ANO3: variants seen among roughly 807,000 people sequenced by gnomAD.
ANO3 encodes the protein anoctamin 3, also known as anoctamin-3.
In ANO3, 99 loss-of-function variants were observed where a neutral mutation model predicts 144.8. The observed-to-expected ratio is 0.68, with a 90% CI of 0.58 to 0.81. ANO3 has a LOEUF of 0.81. Ranked by LOEUF, ANO3 falls within the 30% of genes least tolerant of loss-of-function variation. The pLI, the probability that ANO3 is intolerant of heterozygous loss-of-function variation, is 0.00. For synonymous variants in ANO3, 414 were observed against 392.6 expected, an observed-to-expected ratio of 1.05 and a Z score of -0.64; for missense variants, 905 against 1,202.2, an observed-to-expected ratio of 0.75 and a Z score of 3.66.
chr11:26,542,167 T>C, intron 11 of ANO3, 99 bp downstream of exon 11: 1 of 1,365,970 alleles, frequency 7.3e-7, no homozygotes, highest in East Asian at 2.6e-5. Flanking sequence ...GAGGATGCAG[T>C]CTACAAAAAA....
At chr11:26,404,726 T>C (rs1004393669) in intron 1 of ANO3, among the ~76,000 whole-genome samples, 4 of 151,658 alleles carry the variant, frequency 2.6e-5, no homozygotes, top group Non-Finnish European at 5.9e-5. Flanking sequence ...TATACTTACA[T>C]AAACATTATT....
chr11:26,607,455 A>G (rs981739864), intron 17 of ANO3, among the ~76,000 whole-genome samples: 3 of 152,056 alleles, frequency 2.0e-5, no homozygotes, highest in African/African-American at 7.2e-5. Context: ...ATATACTCCA[A>G]TCAATTGTAG....
At chr11:26,194,953 C>A (rs1352045634) in intron 1 of ANO3, among the ~76,000 whole-genome samples, 1 of 152,210 alleles carries the variant, frequency 6.6e-6, no homozygotes, top group Non-Finnish European at 1.5e-5. Flanking sequence ...AGATATCTCT[C>A]ACCTCAAGCA....
At chr11:26,255,522 G>C (rs540173208) in intron 1 of ANO3, among the ~76,000 whole-genome samples, 14 of 152,190 alleles carry the variant, frequency 9.2e-5, no homozygotes, top group African/African-American at 2.4e-4. Context: ...TTTTCAGATA[G>C]TACTACCTTT....
chr11:26,245,738 T>C (rs1353880360), intron 1 of ANO3, among the ~76,000 whole-genome samples: 1 of 152,188 alleles, frequency 6.6e-6, no homozygotes, highest in Admixed American at 6.5e-5. Flanking sequence ...CATAGAGTGA[T>C]TACCCAATAT....
chr11:26,440,168 T>C (rs1343910077), intron 1 of ANO3, among the ~76,000 whole-genome samples: 1 of 152,128 alleles, frequency 6.6e-6, no homozygotes, highest in Non-Finnish European at 1.5e-5. Context: ...AGAAACTTTT[T>C]AGGGAGTGAT....
chr11:26,610,094 A>G (rs1026306762), intron 17 of ANO3, among the ~76,000 whole-genome samples: 7 of 151,830 alleles, frequency 4.6e-5, no homozygotes, highest in African/African-American at 1.7e-4. Context: ...TATTTTTAGT[A>G]GAGGCGGGGT....
chr11:26,591,968 G>A (rs1208680811), intron 14 of ANO3, among the ~76,000 whole-genome samples: 1 of 152,134 alleles, frequency 6.6e-6, no homozygotes, highest in Non-Finnish European at 1.5e-5. Flanking sequence ...ATCTAGGGAT[G>A]GGGAACTAGA....
intron 14 of ANO3, among the ~76,000 whole-genome samples, chr11:26,594,426 A>G (rs529802896): frequency 1.3e-3 from 194 of 152,320 alleles, no homozygotes; most frequent in Admixed American, 2.2e-3. Flanking sequence ...ATATCTCTCC[A>G]TGTCAGATCA....
In ANO3 at chr11:26,643,206, T is replaced by C. The variant is rs1565161871; in HGVS notation, c.2300T>C (p.Ile767Thr). 1 of 1,614,170 alleles carries C rather than the reference T, an allele frequency of 6.2e-7. No individual in the cohort carries two copies. Among genetic ancestry groups the C allele is most frequent in the Non-Finnish European group, 8.5e-7 (1 of 1,180,006 alleles). Residue 767 changes from isoleucine (I) to threonine (T), a missense_variant, in exon 23 of 27, where the codon ATC (isoleucine) becomes ACC (threonine). This residue lies in a region of ANO3 where 597 missense variants were observed against 865.1 expected (regional missense o/e 0.69). Transcript: ENST00000256737. Reference sequence around the variant, plus strand: ...GTTTTGCAATTTGGTTTTACCACCATCTTTGTTGCGGCTTTTCCTCTAGCC... The same window carrying C: ...GTTTTGCAATTTGGTTTTACCACCACCTTTGTTGCGGCTTTTCCTCTAGCC... Reference protein sequence around the residue: ...EMVLQFGFTTIFVAAFPLAPL... With the variant: ...EMVLQFGFTTTFVAAFPLAPL...
intron 1 of ANO3, among the ~76,000 whole-genome samples, chr11:26,244,176 C>T (rs1425053766): frequency 4.6e-5 from 7 of 151,226 alleles, no homozygotes; most frequent in African/African-American, 1.7e-4. Context: ...TGAGTGTGAT[C>T]ACTGAGGCTT....
At chr11:26,512,784 G>C (rs187321619) in intron 5 of ANO3, among the ~76,000 whole-genome samples, 1 of 152,136 alleles carries the variant, frequency 6.6e-6, no homozygotes, top group Non-Finnish European at 1.5e-5. Flanking sequence ...TTAATAACCA[G>C]TACTAGGCAA....
At chr11:26,430,210 G>A (rs1224538891) in intron 1 of ANO3, among the ~76,000 whole-genome samples, 2 of 148,288 alleles carry the variant, frequency 1.3e-5, no homozygotes, top group Admixed American at 6.8e-5. Flanking sequence ...GCAATGAACC[G>A]AGATTGCACC....
At chr11:26,563,590 C>T (rs540656971) in intron 14 of ANO3, among the ~76,000 whole-genome samples, 10 of 151,992 alleles carry the variant, frequency 6.6e-5, no homozygotes, top group Admixed American at 6.6e-4. Context: ...ATGCCATGTG[C>T]ATACTCCATT....
intron 1 of ANO3, among the ~76,000 whole-genome samples, chr11:26,217,829 G>T (rs1852064389): frequency 1.3e-5 from 2 of 151,948 alleles, no homozygotes; most frequent in Admixed American, 6.6e-5. Flanking sequence ...ACAGGTTGTT[G>T]TTGTTGTTGT....
intron 4 of ANO3, among the ~76,000 whole-genome samples, chr11:26,469,222 T>G (rs1404170380): frequency 6.6e-6 from 1 of 151,986 alleles, no homozygotes; most frequent in African/African-American, 2.4e-5. Context: ...TTGTTCTACA[T>G]TAGCTGATTG....
At chr11:26,232,453 C>T (rs934275402) in intron 1 of ANO3, among the ~76,000 whole-genome samples, 1 of 152,054 alleles carries the variant, frequency 6.6e-6, no homozygotes, top group African/African-American at 2.4e-5. Context: ...AATGCATAGC[C>T]CTGAACTTCC....
intron 1 of ANO3, among the ~76,000 whole-genome samples, chr11:26,298,059 T>C (rs1854133849): frequency 6.6e-6 from 1 of 152,194 alleles, no homozygotes; most frequent in African/African-American, 2.4e-5. Flanking sequence ...AGATAACATT[T>C]TTCTCTTCTC....
intron 14 of ANO3, among the ~76,000 whole-genome samples, chr11:26,566,879 G>A (rs969828891): frequency 6.6e-6 from 1 of 151,880 alleles, no homozygotes; most frequent in Non-Finnish European, 1.5e-5. Context: ...TAACTTCAGA[G>A]TGTTGTTCTG....
Sources: allele counts gnomAD v4.1 joint callset (sites outside exome capture counted in the v4.1 genomes callset), GRCh38; gene constraint gnomAD v4.1.1; regional missense constraint gnomAD v4.1.1; transcripts MANE v1.5; gene names NCBI Gene and HGNC (gene_info 2026-07-23, HGNC 2026-07-21).